Variants in BEND5 observed in about 807,000 individuals in gnomAD.
BEND5 encodes BEN domain-containing protein 5.
A neutral mutation model predicts 43.9 loss-of-function variants in BEND5; 22 were observed. That is an observed-to-expected ratio of 0.50 (90% CI 0.36 to 0.72). BEND5 has a LOEUF of 0.72. Ranked by LOEUF, BEND5 falls within the 30% of genes least tolerant of loss-of-function variation. The pLI is 0.00. For synonymous variants in BEND5, 228 were observed against 225.9 expected, an observed-to-expected ratio of 1.01 and a Z score of -0.08; for missense variants, 428 against 550.6, an observed-to-expected ratio of 0.78 and a Z score of 2.23.
chr1:48,749,006 C>T (rs1460939622), intron 3 of BEND5, among the ~76,000 whole-genome samples: 1 of 152,040 alleles, frequency 6.6e-6, no homozygotes, highest in East Asian at 1.9e-4. Context: ...AACCACAGAG[C>T]AGCAGAGTTG....
In BEND5 at chr1:48,776,648, C is replaced by A; in HGVS notation, c.184G>T (p.Gly62Cys). The A allele has an allele frequency of 2.7e-6, 4 of 1,490,156 alleles. No homozygotes were observed. The highest frequency in any genetic ancestry group is 3.6e-6 in the Non-Finnish European group (4 of 1,123,640). The allele number at this position is 1,490,156 out of a possible 1,614,324, so 92.3% of individuals were successfully genotyped here. Residue 62 changes from glycine to cysteine, a missense_variant, in exon 1 of 6, where the codon GGC becomes TGC. Coordinates refer to ENST00000371833, the MANE Select transcript of BEND5 (RefSeq NM_024603.4). ...TGGGCCTTGTGGAGCAACAGCGCGCCCCAGTCGCGGGGGGCGCGCGGGGGG... is the reference window on the plus strand; with the variant it reads ...TGGGCCTTGTGGAGCAACAGCGCGCACCAGTCGCGGGGGGCGCGCGGGGGG... ...ESPPRAPRDW[G>C]ALLLHKAQIL...
Position 48,758,885 on chromosome 1 carries a change from T to C in BEND5, c.745+15A>G. On this transcript the variant is annotated intron_variant, in intron 3 of 5. Transcript: ENST00000371833. ...CACCCAAGTGGAGTGGTAGGTGACC[T>C]GCTGGGGCACTCACCGCTGCCAAGC... is the stretch of plus-strand genomic sequence containing the variant. The C allele has an allele frequency of 6.7e-7, 1 of 1,496,044 alleles. No homozygotes were observed. The highest frequency in any genetic ancestry group is 8.9e-7 in the Non-Finnish European group (1 of 1,126,452). The allele number at this position is 1,496,044 out of a possible 1,614,324, so 92.7% of individuals were successfully genotyped here.
chr1:48,749,955 A>G (rs936404433), intron 3 of BEND5, among the ~76,000 whole-genome samples: 21 of 152,222 alleles, frequency 1.4e-4, no homozygotes, highest in African/African-American at 5.1e-4. Context: ...GGTGGGCAGC[A>G]TAAGGGCTGC....
At chr1:48,746,702 T>C (rs962806322) in intron 3 of BEND5, among the ~76,000 whole-genome samples, 1 of 152,176 alleles carries the variant, frequency 6.6e-6, no homozygotes, top group African/African-American at 2.4e-5. Flanking sequence ...TCCCAGCTCA[T>C]GACTTTGAAG....
chr1:48,746,034 A>G (rs1377534106), intron 3 of BEND5, among the ~76,000 whole-genome samples: 1 of 152,200 alleles, frequency 6.6e-6, no homozygotes, highest in Non-Finnish European at 1.5e-5. Context: ...CACCTGGCAC[A>G]GTGCTTGATT....
intron 5 of BEND5, among the ~76,000 whole-genome samples, chr1:48,728,654 C>G (rs943910957): frequency 2.6e-5 from 4 of 152,168 alleles, no homozygotes; most frequent in Non-Finnish European, 5.9e-5. Context: ...TAAAAACACT[C>G]TGGCACATGC....
chr1:48,773,705 G>A (rs1162222336), intron 1 of BEND5, among the ~76,000 whole-genome samples: 1 of 152,148 alleles, frequency 6.6e-6, no homozygotes, highest in Non-Finnish European at 1.5e-5. Flanking sequence ...CTGCCAAGTG[G>A]GGGCCTGGCA....
intron 1 of BEND5, among the ~76,000 whole-genome samples, chr1:48,772,154 T>C (rs1644867900): frequency 6.6e-6 from 1 of 151,876 alleles, no homozygotes; most frequent in Non-Finnish European, 1.5e-5. Flanking sequence ...CCTAGAGGAG[T>C]TCCCTGTCAG....
At chr1:48,760,962 A>C (rs1434879670) in intron 2 of BEND5, 1 of 168,062 alleles carries the variant, frequency 6.0e-6, no homozygotes, top group East Asian at 1.6e-4. Context: ...TATCTGGGGC[A>C]CTCTGACAGT....
intron 3 of BEND5, among the ~76,000 whole-genome samples, chr1:48,752,069 T>A (rs1398856099): frequency 6.6e-6 from 1 of 152,204 alleles, no homozygotes; most frequent in East Asian, 1.9e-4. Context: ...CAACAGTTTT[T>A]GAAACTGCCC....
chr1:48,751,137 C>T (rs1375717766), intron 3 of BEND5, among the ~76,000 whole-genome samples: 1 of 152,174 alleles, frequency 6.6e-6, no homozygotes, highest in Non-Finnish European at 1.5e-5. Context: ...AAAGGCTGAA[C>T]TGGGTTCTCT....
At chr1:48,749,131 G>A (rs1651249034) in intron 3 of BEND5, among the ~76,000 whole-genome samples, 1 of 152,172 alleles carries the variant, frequency 6.6e-6, no homozygotes, top group African/African-American at 2.4e-5. Flanking sequence ...CCCCGACTTT[G>A]AGGAATTGCA....
intron 3 of BEND5, among the ~76,000 whole-genome samples, chr1:48,744,649 CAGTT>C (rs1201801111): frequency 2.0e-5 from 3 of 152,216 alleles, no homozygotes; most frequent in African/African-American, 7.2e-5. Flanking sequence ...GCCGTAACTT[CAGTT>C]GATTCTCTCC....
At chr1:48,750,141 T>C (rs1651452065) in intron 3 of BEND5, among the ~76,000 whole-genome samples, 1 of 152,182 alleles carries the variant, frequency 6.6e-6, no homozygotes, top group African/African-American at 2.4e-5. Context: ...CCATATGGGA[T>C]TCATCTTTGC....
At chr1:48,745,990 A>G (rs1242027597) in intron 3 of BEND5, among the ~76,000 whole-genome samples, 1 of 152,156 alleles carries the variant, frequency 6.6e-6, no homozygotes, top group Non-Finnish European at 1.5e-5. Context: ...AGGACAGCCA[A>G]GGACCGTGTC....
At chr1:48,746,932 A>T (rs1251182729) in intron 3 of BEND5, among the ~76,000 whole-genome samples, 16 of 152,352 alleles carry the variant, frequency 1.1e-4, no homozygotes, top group Admixed American at 4.6e-4. Context: ...GGAACAAAAA[A>T]AGCATGTGTT....
At chr1:48,756,103 G>A (rs546320264) in intron 3 of BEND5, among the ~76,000 whole-genome samples, 67 of 152,218 alleles carry the variant, frequency 4.4e-4, no homozygotes, top group African/African-American at 1.5e-3. Context: ...GGCACTATGC[G>A]GTGTGTCACA....
intron 3 of BEND5, among the ~76,000 whole-genome samples, chr1:48,755,516 A>AG (rs1342739820): frequency 6.6e-6 from 1 of 152,214 alleles, no homozygotes; most frequent in Non-Finnish European, 1.5e-5. Context: ...AATGAGGCCC[A>AG]GGGGGCAGAG....
At chr1:48,752,798 G>A (rs1315129503) in intron 3 of BEND5, among the ~76,000 whole-genome samples, 1 of 151,938 alleles carries the variant, frequency 6.6e-6, no homozygotes, top group South Asian at 2.1e-4. Flanking sequence ...TCGCCAGGCT[G>A]GAGTGCAGTG....
Sources: allele counts gnomAD v4.1 joint callset (sites outside exome capture counted in the v4.1 genomes callset), GRCh38; gene constraint gnomAD v4.1.1; transcripts MANE v1.5; gene names NCBI Gene and HGNC (gene_info 2026-07-23, HGNC 2026-07-21).